The following LSAMP variants were observed in gnomAD, a reference collection of about 807,000 sequenced individuals.
The protein encoded by LSAMP is limbic system associated membrane protein.
LSAMP carries 7 observed loss-of-function variants against 38.6 expected under a neutral mutation model. The observed-to-expected ratio is 0.18, with a 90% confidence interval of 0.10 to 0.34. LSAMP has a LOEUF of 0.34. Among genes scored for constraint, LSAMP ranks in the 10% least tolerant of loss-of-function variants. LSAMP has a pLI of 1.00. For synonymous variants in LSAMP, 154 were observed against 166.8 expected (o/e 0.92, Z 0.59); for missense variants, 313 against 420.0 (o/e 0.75, Z 2.23).
At chr3:115,887,646 C>T (rs1189926391) in intron 3 of LSAMP, among the ~76,000 whole-genome samples, 1 of 151,852 alleles carries the variant, frequency 6.6e-6, no homozygotes, top group Non-Finnish European at 1.5e-5. Flanking sequence ...TTCTGAAATG[C>T]GTTTTTCAGA....
intron 2 of LSAMP, chr3:116,051,268 T>C (rs1289436020): frequency 6.6e-6 from 1 of 152,098 alleles, no homozygotes; most frequent in Non-Finnish European, 1.5e-5. Context: ...ATGCAAAACA[T>C]AGGTTTAAAA....
intron 1 of LSAMP, among the ~76,000 whole-genome samples, chr3:116,201,858 GT>G (rs1396399141): frequency 6.6e-6 from 1 of 152,174 alleles, no homozygotes; most frequent in Non-Finnish European, 1.5e-5. Flanking sequence ...GATTTATTCA[GT>G]CCTCTCAAGG....
At chr3:116,220,182 C>CG (rs1487977822) in intron 1 of LSAMP, among the ~76,000 whole-genome samples, 47 of 33,128 alleles carry the variant, frequency 1.4e-3, no homozygotes, top group Non-Finnish European at 3.3e-3. Context: ...GACTCCATCT[C>CG]AAAACACACA....
At chr3:116,199,757 T>C (rs2045964353) in intron 1 of LSAMP, among the ~76,000 whole-genome samples, 1 of 144,346 alleles carries the variant, frequency 6.9e-6, no homozygotes. Context: ...AATATTTAAT[T>C]GTAGGATTTA....
At chr3:116,234,108 G>A (rs6438307) in intron 1 of LSAMP, among the ~76,000 whole-genome samples, 2 of 152,334 alleles carry the variant, frequency 1.3e-5, no homozygotes, top group East Asian at 3.9e-4. Flanking sequence ...ATCACGGAGT[G>A]GGCTGCACAG....
At chr3:116,253,683 A>G (rs1023262596) in intron 1 of LSAMP, among the ~76,000 whole-genome samples, 4 of 152,174 alleles carry the variant, frequency 2.6e-5, no homozygotes, top group Non-Finnish European at 4.4e-5. Flanking sequence ...ATTGTGAATC[A>G]GCAGTTATTG....
chr3:116,024,608 AATAG>A (rs923045649), intron 2 of LSAMP, among the ~76,000 whole-genome samples: 11 of 152,124 alleles, frequency 7.2e-5, no homozygotes, highest in African/African-American at 1.7e-4. Flanking sequence ...AGGACGGAGA[AATAG>A]ATAGATAGAT....
intron 3 of LSAMP, among the ~76,000 whole-genome samples, chr3:115,923,075 A>G (rs78524712): frequency 0.023 from 3,568 of 152,204 alleles, 159 homozygotes; most frequent in African/African-American, 0.08. Flanking sequence ...GAAGCCTCAA[A>G]TTGTGTTCTC....
At chr3:116,341,857 A>C (rs1353453730) in intron 1 of LSAMP, among the ~76,000 whole-genome samples, 1 of 151,984 alleles carries the variant, frequency 6.6e-6, no homozygotes, top group Non-Finnish European at 1.5e-5. Context: ...AATAGCACTG[A>C]AATGATGAAA....
intron 1 of LSAMP, among the ~76,000 whole-genome samples, chr3:116,311,576 T>C (rs2047558091): frequency 6.6e-6 from 1 of 152,210 alleles, no homozygotes; most frequent in Admixed American, 6.5e-5. Context: ...TCCATCCTTA[T>C]TCTTTACAAG....
intron 1 of LSAMP, among the ~76,000 whole-genome samples, chr3:116,313,861 G>A (rs969771544): frequency 7.9e-5 from 12 of 152,264 alleles, no homozygotes; most frequent in African/African-American, 2.2e-4. Context: ...GGCTGAGGCA[G>A]GAGAATTGCT....
chr3:116,025,512 C>T (rs957716397), intron 2 of LSAMP, among the ~76,000 whole-genome samples: 3 of 152,176 alleles, frequency 2.0e-5, no homozygotes, highest in South Asian at 4.2e-4. Flanking sequence ...ATAAATAATG[C>T]TTTTCCAACA....
chr3:116,022,822 A>G (rs1440943252), intron 2 of LSAMP, among the ~76,000 whole-genome samples: 1 of 152,184 alleles, frequency 6.6e-6, no homozygotes. Flanking sequence ...CTACATTCCA[A>G]TGGACTATTC....
chr3:115,947,002 A>G (rs965226325), intron 3 of LSAMP, among the ~76,000 whole-genome samples: 1 of 87,202 alleles, frequency 1.1e-5, no homozygotes, highest in Non-Finnish European at 2.8e-5. Context: ...TTAGCATTTG[A>G]AAAAAAAATG....
intron 1 of LSAMP, among the ~76,000 whole-genome samples, chr3:116,198,287 G>A (rs9834589): frequency 0.82 from 125,452 of 152,200 alleles, 52,126 homozygotes; most frequent in East Asian, 0.91. Context: ...AATCTCCAGT[G>A]GTCGGTGACT....
intron 6 of LSAMP, among the ~76,000 whole-genome samples, chr3:115,814,488 A>G (rs1933944676): frequency 6.6e-6 from 1 of 152,224 alleles, no homozygotes; most frequent in Admixed American, 6.5e-5. Context: ...AATCTCAAGT[A>G]AAGGACCAGG....
intron 3 of LSAMP, among the ~76,000 whole-genome samples, chr3:115,899,410 A>T (rs540550039): frequency 6.6e-6 from 1 of 152,192 alleles, no homozygotes; most frequent in Non-Finnish European, 1.5e-5. Flanking sequence ...GAGGCAGTGC[A>T]GAGCATTCAC....
chr3:116,183,405 A>C (rs1710535244), intron 1 of LSAMP, among the ~76,000 whole-genome samples: 2 of 151,866 alleles, frequency 1.3e-5, no homozygotes, highest in African/African-American at 2.4e-5. Flanking sequence ...ACTTGTGGGA[A>C]TAGAGGATAG....
At chr3:116,018,420 C>A (rs188913373) in intron 3 of LSAMP, among the ~76,000 whole-genome samples, 1 of 152,136 alleles carries the variant, frequency 6.6e-6, no homozygotes, top group East Asian at 1.9e-4. Context: ...TGTTGTACAT[C>A]CAGTCTTGAA....
Sources: gnomAD v4.1 joint callset for allele counts (sites outside exome capture counted in the v4.1 genomes callset) on GRCh38, gnomAD v4.1.1 for gene constraint, MANE v1.5 for transcripts, NCBI Gene and HGNC (gene_info 2026-07-23, HGNC 2026-07-21) for gene names.